The following CAMK4 variants were observed in gnomAD, a reference collection of about 807,000 sequenced individuals.
CAMK4 encodes the protein calcium/calmodulin-dependent protein kinase type IV.
In CAMK4, 22 loss-of-function variants were observed where a neutral mutation model predicts 44.9. The observed-to-expected ratio is 0.49, with a 90% CI of 0.35 to 0.70. The LOEUF (loss-of-function observed/expected upper bound fraction) is 0.70. Among genes scored for constraint, CAMK4 ranks in the 30% least tolerant of loss-of-function variants. The probability of loss-of-function intolerance (pLI) is 0.01; values close to 1 mark genes in which losing one functional copy is unlikely to be tolerated. For missense variants in CAMK4, 498 were observed against 586.8 expected, an observed-to-expected ratio of 0.85 and a Z score of 1.56; for synonymous variants, 218 against 215.4, an observed-to-expected ratio of 1.01 and a Z score of -0.11.
chr5:111,224,731 C>T lies in CAMK4; in HGVS notation c.161+87C>T, dbSNP rs1230875657. The T allele has an allele frequency of 3.0e-6, 4 of 1,315,442 alleles. No homozygotes were observed. Among genetic ancestry groups the T allele is most frequent in the Non-Finnish European group, 4.2e-6 (4 of 955,578 alleles). The allele number at this position is 1,315,442 out of a possible 1,614,324, so 81.5% of individuals were successfully genotyped here. On this transcript the variant is annotated intron_variant, in intron 1 of 10. Coordinates refer to ENST00000282356, the MANE Select transcript of CAMK4 (RefSeq NM_001744.6). The surrounding 1 kb of genome is among the most constrained non-coding windows in gnomAD (Gnocchi z 5.7). ...GCGACGGCTCGGAGGGTGCGGGAGC[C>T]TGCCTTCGTGCCCTTCGATTTCTCC...
chr5:111,489,858 C>T lies in CAMK4; in HGVS notation c.*5392C>T, dbSNP rs754836065. ...TGGTTTGCTATGCCTTATCCCAGAT[C>T]AGTGTTTTGTTCCATCCCTATGGTC... On this transcript the variant is annotated 3_prime_UTR_variant, in exon 11 of 11. Coordinates refer to ENST00000282356, the MANE Select transcript of CAMK4 (RefSeq NM_001744.6). 1.1e-4 allele frequency: 16 copies of T among 152,194 alleles called. No homozygotes were observed. Among genetic ancestry groups the T allele is most frequent in the Non-Finnish European group, 2.2e-4 (15 of 68,040 alleles). 9.4% of individuals were successfully genotyped at this position (152,194 alleles called of 1,614,324 possible). A position where few individuals can be genotyped will look rare whatever the true frequency, so the allele number is the denominator to read the frequency against.
At chr5:111,331,776 A>G (rs1030460482) in intron 1 of CAMK4, among the ~76,000 whole-genome samples, 1 of 151,718 alleles carries the variant, frequency 6.6e-6, no homozygotes, top group African/African-American at 2.4e-5. Flanking sequence ...CTACTCAAAA[A>G]CATACAGGCT....
At chr5:111,268,833 T>C (rs1245691323) in intron 1 of CAMK4, among the ~76,000 whole-genome samples, 1 of 152,144 alleles carries the variant, frequency 6.6e-6, no homozygotes, top group African/African-American at 2.4e-5. Flanking sequence ...TATTAAAAAA[T>C]GATATGTATT....
intron 5 of CAMK4, among the ~76,000 whole-genome samples, chr5:111,419,037 G>A (rs1209050772): frequency 2.6e-5 from 4 of 152,052 alleles, no homozygotes; most frequent in Non-Finnish European, 2.9e-5. Flanking sequence ...CACAATGGTT[G>A]AACTAGTTTA....
intron 1 of CAMK4, among the ~76,000 whole-genome samples, chr5:111,271,726 A>C (rs1395842263): frequency 6.6e-6 from 1 of 152,210 alleles, no homozygotes; most frequent in Non-Finnish European, 1.5e-5. Context: ...TAGATTTTTC[A>C]TAGGCTTGTA....
In CAMK4 at chr5:111,363,837, T is replaced by G. The variant is rs181256360; in HGVS notation, c.241-11013T>G. Among the ~76,000 whole-genome samples the G allele has an allele frequency of 7.6e-4, 115 of 152,228 alleles. 2 individuals carry two copies. The highest frequency in any genetic ancestry group is 4.3e-3 in the Admixed American group (65 of 15,262). On this transcript the variant is annotated intron_variant, in intron 2 of 10. Transcript: ENST00000282356. Reference sequence around the variant, plus strand: ...AAGGTCTATGGCAAAGAGTTTATACTTACTCTAAGCACAGTGGGACTCCAA... The same window carrying G: ...AAGGTCTATGGCAAAGAGTTTATACGTACTCTAAGCACAGTGGGACTCCAA...
At chr5:111,267,290 T>C (rs879445592) in intron 1 of CAMK4, among the ~76,000 whole-genome samples, 4 of 152,194 alleles carry the variant, frequency 2.6e-5, no homozygotes, top group Non-Finnish European at 5.9e-5. Context: ...TGTGACAGGA[T>C]TTGTCATTGT....
intron 5 of CAMK4, among the ~76,000 whole-genome samples, chr5:111,422,016 G>A (rs1753050065): frequency 6.6e-6 from 1 of 152,184 alleles, no homozygotes; most frequent in Non-Finnish European, 1.5e-5. Flanking sequence ...TCAGCCATGT[G>A]GAACTGTGAG....
chr5:111,402,510 G>A (rs1212046205), intron 5 of CAMK4, among the ~76,000 whole-genome samples: 1 of 152,172 alleles, frequency 6.6e-6, no homozygotes, highest in East Asian at 1.9e-4. Flanking sequence ...CATTTAACAG[G>A]CATTATATTA....
intron 5 of CAMK4, among the ~76,000 whole-genome samples, chr5:111,404,998 G>T (rs927658518): frequency 9.9e-5 from 15 of 152,216 alleles, no homozygotes; most frequent in Non-Finnish European, 1.6e-4. Context: ...AGATACAGAG[G>T]TCAAGAAATT....
intron 1 of CAMK4, among the ~76,000 whole-genome samples, chr5:111,240,565 T>G (rs1047497516): frequency 7.2e-5 from 11 of 152,224 alleles, no homozygotes; most frequent in African/African-American, 2.7e-4. Context: ...TTCATTGCAG[T>G]ACTTAAGAAA....
intron 7 of CAMK4, among the ~76,000 whole-genome samples, chr5:111,472,464 A>C (rs1755098591): frequency 6.6e-6 from 1 of 152,210 alleles, no homozygotes; most frequent in East Asian, 1.9e-4. Context: ...TGGGGCTCTT[A>C]CTTTCCCTTT....
chr5:111,269,351 A>ATTCAGTC (rs1317013849), intron 1 of CAMK4, among the ~76,000 whole-genome samples: 35 of 152,152 alleles, frequency 2.3e-4, no homozygotes, highest in Admixed American at 1.3e-4. Flanking sequence ...CCAAATGAAT[A>ATTCAGTC]TTCAGTCTTT....
At chr5:111,354,367 A>G (rs2112779451) in intron 2 of CAMK4, among the ~76,000 whole-genome samples, 1 of 151,794 alleles carries the variant, frequency 6.6e-6, no homozygotes. Flanking sequence ...TCAAATGTAT[A>G]GTATGGGAAG....
chr5:111,427,844 T>C (rs1753285577), intron 5 of CAMK4, among the ~76,000 whole-genome samples: 1 of 152,250 alleles, frequency 6.6e-6, no homozygotes, highest in Non-Finnish European at 1.5e-5. Flanking sequence ...CAAGCCTGGA[T>C]GGCTTTGCCA....
intron 1 of CAMK4, among the ~76,000 whole-genome samples, chr5:111,236,088 C>G (rs1482442728): frequency 6.6e-6 from 1 of 152,226 alleles, no homozygotes; most frequent in Non-Finnish European, 1.5e-5. Flanking sequence ...AGTGTGTTCT[C>G]CACGTCATTT....
At position 111,486,895 on chromosome 5, in the gene CAMK4, G is replaced by A. The variant is rs1755651614; in HGVS notation, c.*2429G>A. 1 of 152,114 alleles carries A rather than the reference G, an allele frequency of 6.6e-6. No individual in the cohort carries two copies. Among genetic ancestry groups the A allele is most frequent in the Admixed American group, 6.5e-5 (1 of 15,270 alleles). 9.4% of individuals were successfully genotyped at this position (152,114 alleles called of 1,614,324 possible). A position where few individuals can be genotyped will look rare whatever the true frequency, so the allele number is the denominator to read the frequency against. ...ATGGGAGTTTTAAATTTTGACTCATGTTAAAGATAAGATTCTGATAATGAC... is the reference window on the plus strand; with the variant it reads ...ATGGGAGTTTTAAATTTTGACTCATATTAAAGATAAGATTCTGATAATGAC... On this transcript the variant is annotated 3_prime_UTR_variant, in exon 11 of 11. Transcript: ENST00000282356.
chr5:111,275,671 AC>A (rs1451660340), intron 1 of CAMK4, among the ~76,000 whole-genome samples: 2 of 152,168 alleles, frequency 1.3e-5, no homozygotes, highest in Non-Finnish European at 2.9e-5. Context: ...GTTAATGGGT[AC>A]AAAAATATGG....
chr5:111,397,707 C>A (rs1660934), intron 5 of CAMK4, among the ~76,000 whole-genome samples: 139,147 of 150,284 alleles, frequency 0.93, 64,561 homozygotes, highest in East Asian at 1. Flanking sequence ...AGTTTACCCA[C>A]CTGGATTCAT....
Sources: gnomAD v4.1 joint callset for allele counts (sites outside exome capture counted in the v4.1 genomes callset) on GRCh38, gnomAD v4.1.1 for gene constraint, Gnocchi (gnomAD v3.1) non-coding constraint, MANE v1.5 for transcripts, NCBI Gene and HGNC (gene_info 2026-07-23, HGNC 2026-07-21) for gene names.